Variants in ERICH1 observed in about 807,000 individuals in gnomAD.
ERICH1 encodes glutamate rich 1, also known as glutamate-rich protein 1.
In ERICH1, 56 loss-of-function variants were observed where a neutral mutation model predicts 39.6. The observed-to-expected ratio is 1.41, with a 90% CI of 1.14 to 1.77. The LOEUF (loss-of-function observed/expected upper bound fraction) is 1.77, where lower values mean the gene tolerates loss of function less well. Among genes scored for constraint, ERICH1 ranks in the 40% most tolerant of loss-of-function variants. The probability of loss-of-function intolerance (pLI) is 0.00; values close to 1 mark genes in which losing one functional copy is unlikely to be tolerated. For missense variants in ERICH1, 826 were observed against 575.4 expected (o/e 1.44, Z -4.45); for synonymous variants, 313 against 223.6 (o/e 1.40, Z -3.57).
intron 2 of ERICH1, among the ~76,000 whole-genome samples, chr8:693,802 G>C (rs1020287401): frequency 6.6e-6 from 1 of 152,124 alleles, no homozygotes; most frequent in Non-Finnish European, 1.5e-5. Flanking sequence ...TCACCACCGT[G>C]GATGGCTACT....
intron 2 of ERICH1, among the ~76,000 whole-genome samples, chr8:700,780 C>G (rs1811934170): frequency 6.6e-6 from 1 of 152,266 alleles, no homozygotes; most frequent in Non-Finnish European, 1.5e-5. Flanking sequence ...TTCACAGACT[C>G]TTAATCAGCT....
chr8:677,330 C>T (rs1023038222), intron 3 of ERICH1, among the ~76,000 whole-genome samples: 1 of 152,244 alleles, frequency 6.6e-6, no homozygotes, highest in Non-Finnish European at 1.5e-5. Flanking sequence ...GATGACATTG[C>T]TGCCGCTTTG....
chr8:653,337 T>A (rs1012932244), intron 3 of ERICH1, among the ~76,000 whole-genome samples: 1 of 152,240 alleles, frequency 6.6e-6, no homozygotes, highest in Non-Finnish European at 1.5e-5. Context: ...CAGACAGGAC[T>A]GAAAACCTAA....
intron 3 of ERICH1, among the ~76,000 whole-genome samples, chr8:633,847 T>G (rs894145510): frequency 6.6e-6 from 1 of 152,142 alleles, no homozygotes; most frequent in Non-Finnish European, 1.5e-5. Context: ...CGCAAAGGAA[T>G]GAAATTGGCC....
At chr8:676,793 G>A (rs1408708008) in intron 3 of ERICH1, among the ~76,000 whole-genome samples, 1 of 152,230 alleles carries the variant, frequency 6.6e-6, no homozygotes, top group African/African-American at 2.4e-5. Context: ...GCTGCACCAC[G>A]CCAAGGGCGG....
At chr8:664,754 G>T in intron 5 of ERICH1, 78 bp from the exon 6 acceptor site, 2 of 1,215,900 alleles carry the variant, frequency 1.6e-6, no homozygotes, top group Non-Finnish European at 2.3e-6. Flanking sequence ...ATGTAGACAC[G>T]AGCCTTTGGG....
At chr8:702,147 C>T (rs180986286) in intron 2 of ERICH1, among the ~76,000 whole-genome samples, 2 of 149,188 alleles carry the variant, frequency 1.3e-5, no homozygotes, top group Non-Finnish European at 3.0e-5. Context: ...TTTGAAGCAT[C>T]TAAAGAACCC....
At chr8:620,616 G>A (rs73177054) in intron 3 of ERICH1, among the ~76,000 whole-genome samples, 180 of 152,274 alleles carry the variant, frequency 1.2e-3, no homozygotes, top group Non-Finnish European at 2.1e-3. Flanking sequence ...AAAAACATAC[G>A]TCATGCAAAC....
intron 1 of ERICH1, chr8:725,096 T>A (rs1404847526): frequency 5.8e-6 from 1 of 172,592 alleles, no homozygotes; most frequent in African/African-American, 2.4e-5. Context: ...CTGTCTGCTG[T>A]CCTCTCTGGC....
intron 3 of ERICH1, among the ~76,000 whole-genome samples, chr8:676,701 T>C (rs563295974): frequency 6.6e-6 from 1 of 152,216 alleles, no homozygotes; most frequent in East Asian, 1.9e-4. Context: ...ATGGGTAAAG[T>C]CTATACCACG....
intron 5 of ERICH1, among the ~76,000 whole-genome samples, chr8:665,692 C>T (rs1028291166): frequency 3.3e-5 from 5 of 152,220 alleles, no homozygotes; most frequent in Non-Finnish European, 7.3e-5. Context: ...ATAAAGAGTA[C>T]GTGTAATAAA....
intron 3 of ERICH1, among the ~76,000 whole-genome samples, chr8:691,257 T>C (rs35775559): frequency 0.031 from 4,734 of 152,318 alleles, 86 homozygotes; most frequent in Middle Eastern, 0.058. Flanking sequence ...TGGACACGTG[T>C]CCTCAAGAAG....
intron 1 of ERICH1, chr8:725,141 G>T: frequency 5.5e-6 from 1 of 183,286 alleles, no homozygotes. Context: ...CTCCGTGCCT[G>T]CTGACCCCTC....
chr8:718,435 T>A (rs2132375826), intron 1 of ERICH1, among the ~76,000 whole-genome samples: 1 of 152,322 alleles, frequency 6.6e-6, no homozygotes, highest in South Asian at 2.1e-4. Flanking sequence ...ATAAATTACA[T>A]TTATAGCCTA....
intron 3 of ERICH1, among the ~76,000 whole-genome samples, chr8:633,211 GGC>G (rs528940017): frequency 2.4e-4 from 36 of 152,306 alleles, no homozygotes; most frequent in Admixed American, 7.2e-4. Context: ...CCTATGGCCT[GGC>G]GACTCTGTTC....
intron 5 of ERICH1, among the ~76,000 whole-genome samples, chr8:665,818 G>T (rs557213265): frequency 6.6e-6 from 1 of 152,192 alleles, no homozygotes; most frequent in South Asian, 2.1e-4. Context: ...GACGTGACCA[G>T]CAGAAAACAC....
intron 3 of ERICH1, among the ~76,000 whole-genome samples, chr8:678,929 T>A (rs1805468306): frequency 6.6e-6 from 1 of 152,014 alleles, no homozygotes; most frequent in Non-Finnish European, 1.5e-5. Flanking sequence ...CTGACGACCG[T>A]CACAGCTCTG....
chr8:660,014 C>A (rs1235034084), downstream of ERICH1, among the ~76,000 whole-genome samples: 1 of 152,264 alleles, frequency 6.6e-6, no homozygotes, highest in Admixed American at 6.5e-5. Context: ...AAGGGGGCAG[C>A]CCCTCATCAA....
chr8:618,628 A>C (rs1797087260), intron 3 of ERICH1, among the ~76,000 whole-genome samples: 1 of 152,200 alleles, frequency 6.6e-6, no homozygotes, highest in Non-Finnish European at 1.5e-5. Context: ...CAGCTGTGAA[A>C]TGGGTGTGAC....
Sources: gnomAD v4.1 joint callset for allele counts (sites outside exome capture counted in the v4.1 genomes callset) on GRCh38, gnomAD v4.1.1 for gene constraint, MANE v1.5 for transcripts, NCBI Gene and HGNC (gene_info 2026-07-23, HGNC 2026-07-21) for gene names.